The following FOXP1 variants were observed in gnomAD, a reference collection of about 807,000 sequenced individuals.
FOXP1 encodes forkhead box protein P1.
In FOXP1, 15 loss-of-function variants were observed where a neutral mutation model predicts 98.2. That is an observed-to-expected ratio of 0.15 (90% CI 0.10 to 0.24). FOXP1 has a LOEUF of 0.24. FOXP1 is among the 10% of genes least tolerant of loss of function. FOXP1 has a pLI of 1.00. For missense variants in FOXP1, 633 were observed against 848.5 expected (o/e 0.75, Z 3.15); for synonymous variants, 371 against 314.5 (o/e 1.18, Z -1.90).
At chr3:71,565,384 G>A (rs951973685) in intron 2 of FOXP1, among the ~76,000 whole-genome samples, 10 of 152,130 alleles carry the variant, frequency 6.6e-5, no homozygotes, top group Admixed American at 2.0e-4. Context: ...TTACCAATTC[G>A]TTGTGTAAAA....
intron 4 of FOXP1, among the ~76,000 whole-genome samples, chr3:71,307,866 T>C (rs1576894508): frequency 3.9e-5 from 6 of 152,340 alleles, no homozygotes; most frequent in Admixed American, 3.9e-4. Context: ...TTATAGGTAG[T>C]ATCTAATTCC....
At chr3:71,549,853 C>CTGGGAGTA (rs1303103067) in intron 2 of FOXP1, among the ~76,000 whole-genome samples, 3 of 99,158 alleles carry the variant, frequency 3.0e-5, no homozygotes, top group African/African-American at 1.1e-4. Flanking sequence ...TACTCTAATG[C>CTGGGAGTA]TGGGAGTAAA....
chr3:71,471,377 G>A (rs955362450), intron 3 of FOXP1, among the ~76,000 whole-genome samples: 1 of 151,970 alleles, frequency 6.6e-6, no homozygotes, highest in African/African-American at 2.4e-5. Context: ...GAAAAGAACA[G>A]GGCGAAATAA....
At chr3:71,005,415 T>G (rs765574670) in intron 12 of FOXP1, among the ~76,000 whole-genome samples, 1 of 151,866 alleles carries the variant, frequency 6.6e-6, no homozygotes, top group Non-Finnish European at 1.5e-5. Flanking sequence ...CAGTTGATTT[T>G]TATTCTTCTT....
chr3:71,444,701 AT>A (rs1206353948), intron 3 of FOXP1, among the ~76,000 whole-genome samples: 5 of 152,108 alleles, frequency 3.3e-5, no homozygotes, highest in Non-Finnish European at 7.4e-5. Context: ...TCATAATTGT[AT>A]TATTACGGGC....
intron 5 of FOXP1, among the ~76,000 whole-genome samples, chr3:71,234,216 T>C (rs1460132942): frequency 6.6e-6 from 1 of 152,116 alleles, no homozygotes; most frequent in Non-Finnish European, 1.5e-5. Context: ...AAAATCTTTT[T>C]GGATAACCAG....
At chr3:71,346,614 G>A (rs1403324889) in intron 4 of FOXP1, among the ~76,000 whole-genome samples, 1 of 152,104 alleles carries the variant, frequency 6.6e-6, no homozygotes, top group African/African-American at 2.4e-5. Flanking sequence ...TGCCTTTATG[G>A]CTTCTTGAGG....
chr3:71,523,143 G>C (rs1323743948), intron 2 of FOXP1, among the ~76,000 whole-genome samples: 1 of 152,174 alleles, frequency 6.6e-6, no homozygotes, highest in Non-Finnish European at 1.5e-5. Context: ...GGGAGATGAA[G>C]GCAGAGATCG....
intron 14 of FOXP1, among the ~76,000 whole-genome samples, chr3:70,984,831 G>C (rs977449182): frequency 6.6e-6 from 1 of 152,024 alleles, no homozygotes; most frequent in Admixed American, 6.6e-5. Flanking sequence ...CAAAAACTTG[G>C]GCACCTTCCC....
chr3:71,458,021 C>T (rs886680333), intron 3 of FOXP1, among the ~76,000 whole-genome samples: 1 of 152,184 alleles, frequency 6.6e-6, no homozygotes, highest in African/African-American at 2.4e-5. Flanking sequence ...TTCTTTCTCT[C>T]CATTTTCGTA....
chr3:71,576,408 T>A (rs893745361), intron 2 of FOXP1, among the ~76,000 whole-genome samples: 6 of 152,228 alleles, frequency 3.9e-5, no homozygotes, highest in African/African-American at 1.4e-4. Context: ...ACTGCTGAGA[T>A]GTTCCCGAAC....
chr3:71,532,709 A>T (rs942289782), intron 2 of FOXP1, among the ~76,000 whole-genome samples: 2 of 151,990 alleles, frequency 1.3e-5, no homozygotes, highest in African/African-American at 4.8e-5. Flanking sequence ...TTTTTTACTA[A>T]ATTTGGCAGG....
At chr3:71,256,524 C>A (rs541270365) in intron 5 of FOXP1, among the ~76,000 whole-genome samples, 1 of 152,312 alleles carries the variant, frequency 6.6e-6, no homozygotes, top group African/African-American at 2.4e-5. Flanking sequence ...GCTGGGACTA[C>A]AGGTGCCCAC....
chr3:71,521,160 G>C (rs146118530), intron 2 of FOXP1, among the ~76,000 whole-genome samples: 1 of 152,308 alleles, frequency 6.6e-6, no homozygotes, highest in Non-Finnish European at 1.5e-5. Flanking sequence ...GAAAGCTCCT[G>C]AAAGGGATGG....
intron 3 of FOXP1, among the ~76,000 whole-genome samples, chr3:71,439,415 A>G (rs2085692296): frequency 6.6e-6 from 1 of 152,210 alleles, no homozygotes; most frequent in Non-Finnish European, 1.5e-5. Context: ...CTTTCAGCTA[A>G]GAAAAGGTAA....
At chr3:71,562,447 G>A (rs1210095116) in intron 2 of FOXP1, among the ~76,000 whole-genome samples, 1 of 152,162 alleles carries the variant, frequency 6.6e-6, no homozygotes, top group Non-Finnish European at 1.5e-5. Context: ...ATGTGAACCA[G>A]ACTCTGGCTC....
intron 3 of FOXP1, among the ~76,000 whole-genome samples, chr3:71,404,118 T>TCTTTTTC (rs369718721): frequency 1.5e-5 from 1 of 65,372 alleles, no homozygotes; most frequent in African/African-American, 4.2e-5. Flanking sequence ...TCTTTTCTTT[T>TCTTTTTC]TCTTTTTTTT....
chr3:71,063,946 G>A (rs562601965), intron 7 of FOXP1, among the ~76,000 whole-genome samples: 11 of 152,224 alleles, frequency 7.2e-5, no homozygotes, highest in East Asian at 1.9e-4. Context: ...GGGGAGGAGA[G>A]GGGTAAAAAG....
chr3:71,515,384 C>A (rs191494450), intron 2 of FOXP1, among the ~76,000 whole-genome samples: 8 of 133,382 alleles, frequency 6.0e-5, no homozygotes, highest in African/African-American at 2.0e-4. Context: ...TTAAAAGAAA[C>A]GTTCAACTAA....
Sources: gnomAD v4.1 joint callset for allele counts (sites outside exome capture counted in the v4.1 genomes callset) on GRCh38, gnomAD v4.1.1 for gene constraint, MANE v1.5 for transcripts, NCBI Gene and HGNC (gene_info 2026-07-23, HGNC 2026-07-21) for gene names.